RBFOX1: variants seen among roughly 807,000 people sequenced by gnomAD.
RBFOX1 encodes the protein RNA binding fox-1 homolog 1.
A neutral mutation model predicts 57.7 loss-of-function variants in RBFOX1; 8 were observed. The observed-to-expected ratio is 0.14, with a 90% CI of 0.08 to 0.25. The LOEUF is 0.25. Ranked by LOEUF, RBFOX1 falls within the 10% of genes least tolerant of loss-of-function variation. RBFOX1 has a pLI of 1.00. For missense variants in RBFOX1, 611 were observed against 548.5 expected, an observed-to-expected ratio of 1.11 and a Z score of -1.14; for synonymous variants, 326 against 222.4, an observed-to-expected ratio of 1.47 and a Z score of -4.15.
intron 3 of RBFOX1, among the ~76,000 whole-genome samples, chr16:7,007,580 C>G (rs1476905092): frequency 6.6e-6 from 1 of 152,162 alleles, no homozygotes; most frequent in Non-Finnish European, 1.5e-5. Context: ...TTGTTAAACA[C>G]CCTCCCATCC....
intron 1 of RBFOX1, among the ~76,000 whole-genome samples, chr16:6,256,157 A>ATATATG (rs2097660627): frequency 5.8e-5 from 2 of 34,388 alleles, no homozygotes; most frequent in East Asian, 1.0e-3. Flanking sequence ...ATATATATAT[A>ATATATG]TGTATATATA....
At chr16:6,876,503 G>A (rs1221188119) in intron 3 of RBFOX1, among the ~76,000 whole-genome samples, 1 of 152,156 alleles carries the variant, frequency 6.6e-6, no homozygotes, top group Non-Finnish European at 1.5e-5. Context: ...ACATAGCGCT[G>A]TACCTAGCAC....
chr16:6,085,176 C>T (rs146081636), intron 1 of RBFOX1, among the ~76,000 whole-genome samples: 1 of 152,154 alleles, frequency 6.6e-6, no homozygotes, highest in Non-Finnish European at 1.5e-5. Flanking sequence ...CAGATCCAGA[C>T]CTCTCCTCCT....
intron 3 of RBFOX1, among the ~76,000 whole-genome samples, chr16:6,722,426 A>G (rs2066201672): frequency 6.6e-6 from 1 of 152,342 alleles, no homozygotes; most frequent in South Asian, 2.1e-4. Flanking sequence ...TTTGCAGAGC[A>G]GCTGGAAACA....
chr16:6,686,371 C>A (rs550612528), intron 3 of RBFOX1, among the ~76,000 whole-genome samples: 1 of 152,308 alleles, frequency 6.6e-6, no homozygotes, highest in Non-Finnish European at 1.5e-5. Flanking sequence ...CTTCAGGAAG[C>A]CTGTGGGCCA....
intron 3 of RBFOX1, among the ~76,000 whole-genome samples, chr16:5,619,791 C>G (rs765567449): frequency 6.6e-6 from 1 of 152,120 alleles, no homozygotes; most frequent in Non-Finnish European, 1.5e-5. Context: ...CTCTCTCTTC[C>G]ATGTCCTTTC....
At chr16:5,902,380 T>C (rs967355268) in intron 4 of RBFOX1, among the ~76,000 whole-genome samples, 1 of 152,200 alleles carries the variant, frequency 6.6e-6, no homozygotes, top group African/African-American at 2.4e-5. Context: ...TGCCTTTCTT[T>C]GAAGAGATGT....
chr16:6,501,903 C>T (rs1352816780), intron 2 of RBFOX1, among the ~76,000 whole-genome samples: 8 of 152,180 alleles, frequency 5.3e-5, no homozygotes, highest in Admixed American at 6.5e-5. Flanking sequence ...TTCATGAAAT[C>T]CTCAACAGAG....
chr16:6,563,001 C>G (rs536118786), intron 2 of RBFOX1, among the ~76,000 whole-genome samples: 15 of 149,700 alleles, frequency 1.0e-4, no homozygotes, highest in African/African-American at 3.4e-4. Flanking sequence ...TGAAGCTTAC[C>G]AGCATGTTTT....
chr16:6,957,750 C>A (rs180672709), intron 3 of RBFOX1, among the ~76,000 whole-genome samples: 1 of 152,222 alleles, frequency 6.6e-6, no homozygotes, highest in East Asian at 1.9e-4. Flanking sequence ...GATGGAGTTG[C>A]TCTGGTTCAA....
At chr16:5,487,677 G>A (rs1413550416) in intron 2 of RBFOX1, among the ~76,000 whole-genome samples, 1 of 152,160 alleles carries the variant, frequency 6.6e-6, no homozygotes, top group African/African-American at 2.4e-5. Flanking sequence ...ACAACTAATG[G>A]TTATGTCTTC....
intron 13 of RBFOX1, among the ~76,000 whole-genome samples, chr16:7,674,694 T>C (rs555914656): frequency 2.0e-5 from 3 of 152,370 alleles, no homozygotes; most frequent in Admixed American, 1.3e-4. Flanking sequence ...GAGACCTTCA[T>C]AGATGACCAC....
intron 3 of RBFOX1, among the ~76,000 whole-genome samples, chr16:7,038,706 C>T (rs566905474): frequency 6.6e-6 from 1 of 152,174 alleles, no homozygotes; most frequent in Admixed American, 6.5e-5. Context: ...TGTGGGAGGC[C>T]GAAGGGGATA....
chr16:7,660,275 A>C (rs1207106647), intron 12 of RBFOX1, among the ~76,000 whole-genome samples: 1 of 152,238 alleles, frequency 6.6e-6, no homozygotes, highest in African/African-American at 2.4e-5. Flanking sequence ...TTGCAAAAGC[A>C]CATTGAGTCC....
intron 3 of RBFOX1, among the ~76,000 whole-genome samples, chr16:6,797,872 A>T (rs1376105313): frequency 6.6e-6 from 1 of 152,158 alleles, no homozygotes; most frequent in Non-Finnish European, 1.5e-5. Context: ...CATTTCTACT[A>T]ACTGGTAGCT....
At chr16:5,303,618 G>A (rs899402200) in intron 1 of RBFOX1, among the ~76,000 whole-genome samples, 6 of 151,994 alleles carry the variant, frequency 3.9e-5, no homozygotes, top group Admixed American at 3.3e-4. Context: ...ACAGCGCTTG[G>A]GTCCCTTCCT....
intron 5 of RBFOX1, among the ~76,000 whole-genome samples, chr16:7,535,895 G>C (rs1161533841): frequency 6.6e-6 from 1 of 152,178 alleles, no homozygotes; most frequent in Non-Finnish European, 1.5e-5. Context: ...ATTGTGTATT[G>C]TTCATTTATT....
chr16:5,804,849 C>T (rs904582995), intron 3 of RBFOX1, among the ~76,000 whole-genome samples: 5 of 150,526 alleles, frequency 3.3e-5, no homozygotes, highest in African/African-American at 1.2e-4. Flanking sequence ...CTAAATGAGG[C>T]CCTCCTTGTT....
chr16:5,640,869 C>G (rs1376442692), intron 3 of RBFOX1, among the ~76,000 whole-genome samples: 1 of 151,274 alleles, frequency 6.6e-6, no homozygotes, highest in African/African-American at 2.4e-5. Flanking sequence ...TGGATACACA[C>G]ACACACACAC....
Sources: allele counts gnomAD v4.1 joint callset (sites outside exome capture counted in the v4.1 genomes callset), GRCh38; gene constraint gnomAD v4.1.1; transcripts MANE v1.5; gene names NCBI Gene and HGNC (gene_info 2026-07-23, HGNC 2026-07-21).